The following CDK14 variants were observed in gnomAD, a reference collection of about 807,000 sequenced individuals.
CDK14 encodes the protein cyclin-dependent kinase 14.
In CDK14, 34 loss-of-function variants were observed where a neutral mutation model predicts 60.7. That is an observed-to-expected ratio of 0.56 (90% CI 0.43 to 0.75). The LOEUF is 0.75. CDK14 is among the 30% of genes least tolerant of loss of function. CDK14 has a pLI of 0.00. For missense variants in CDK14, 482 were observed against 564.1 expected (o/e 0.85, Z 1.47); for synonymous variants, 197 against 203.7 (o/e 0.97, Z 0.28).
intron 2 of CDK14, among the ~76,000 whole-genome samples, chr7:90,635,659 A>G (rs978156719): frequency 1.3e-5 from 2 of 152,048 alleles, no homozygotes; most frequent in Non-Finnish European, 2.9e-5. Flanking sequence ...AGTTTTTTCC[A>G]ATTCTGTGAA....
At chr7:90,956,250 C>T (rs867404292) in intron 9 of CDK14, among the ~76,000 whole-genome samples, 18 of 152,262 alleles carry the variant, frequency 1.2e-4, no homozygotes, top group South Asian at 1.0e-3. Context: ...ACAGTATGTA[C>T]TTGAAAACTT....
intron 14 of CDK14, among the ~76,000 whole-genome samples, chr7:91,192,043 T>G (rs1802378702): frequency 6.6e-6 from 1 of 151,980 alleles, no homozygotes; most frequent in Admixed American, 6.6e-5. Context: ...TCCTGAAGAT[T>G]TATAGTGCTA....
intron 10 of CDK14, among the ~76,000 whole-genome samples, chr7:90,986,268 A>G (rs1286986528): frequency 6.6e-6 from 1 of 152,092 alleles, no homozygotes; most frequent in Non-Finnish European, 1.5e-5. Context: ...TCATTATAAT[A>G]AAATGCTGCC....
intron 11 of CDK14, among the ~76,000 whole-genome samples, chr7:91,051,095 T>TCACA (rs1797378987): frequency 6.6e-6 from 1 of 152,204 alleles, no homozygotes; most frequent in African/African-American, 2.4e-5. Flanking sequence ...ATATGTACAG[T>TCACA]AATACACACA....
Position 90,979,159 on chromosome 7 carries a change from T to C in CDK14, c.948-4989T>C, listed in dbSNP as rs868224698. Among the ~76,000 whole-genome samples, 90 of 152,334 alleles carry C rather than the reference T, an allele frequency of 5.9e-4. No homozygotes were observed. The Middle Eastern group carries it at 0.01, about 17-fold the overall frequency. ...TTTCATTAAAGCTTATTCATAGATA[T>C]TGAAATTAGAATTTCAGGTAATGTT... On this transcript the variant is annotated intron_variant, in intron 9 of 14. Coordinates refer to ENST00000380050, the MANE Select transcript of CDK14 (RefSeq NM_001287135.2).
At chr7:90,754,245 G>A (rs1803965763) in intron 4 of CDK14, among the ~76,000 whole-genome samples, 2 of 152,188 alleles carry the variant, frequency 1.3e-5, no homozygotes, top group Admixed American at 6.5e-5. Flanking sequence ...TAAGGCTACA[G>A]TAACTGAAAC....
chr7:90,831,992 C>G (rs1789928284), intron 5 of CDK14, among the ~76,000 whole-genome samples: 1 of 151,952 alleles, frequency 6.6e-6, no homozygotes, highest in African/African-American at 2.4e-5. Context: ...TAGCATGTCC[C>G]TCTCCCTTAT....
chr7:91,160,626 C>T (rs929234883), intron 14 of CDK14, among the ~76,000 whole-genome samples: 4 of 151,972 alleles, frequency 2.6e-5, no homozygotes, highest in Non-Finnish European at 5.9e-5. Flanking sequence ...TTTTACTTGT[C>T]CACTTTTACA....
At chr7:91,112,426 A>T in intron 12 of CDK14, 116 bp from the exon 13 acceptor site, 1 of 1,081,020 alleles carries the variant, frequency 9.3e-7, no homozygotes, top group Non-Finnish European at 1.3e-6. Context: ...TTCAGCAGGT[A>T]ATTTGTTTTT....
intron 2 of CDK14, among the ~76,000 whole-genome samples, chr7:90,687,047 A>AT (rs577500650): frequency 2.2e-4 from 33 of 150,712 alleles, no homozygotes; most frequent in African/African-American, 7.3e-4. Flanking sequence ...TTGTGATTGA[A>AT]TTTTTTTTTT....
At chr7:91,101,353 T>A (rs372532259) in intron 12 of CDK14, among the ~76,000 whole-genome samples, 1 of 152,136 alleles carries the variant, frequency 6.6e-6, no homozygotes, top group Non-Finnish European at 1.5e-5. Flanking sequence ...TGGGAAGGCA[T>A]TTTGTGAACT....
At chr7:91,002,289 C>T (rs922967294) in intron 10 of CDK14, among the ~76,000 whole-genome samples, 1 of 152,130 alleles carries the variant, frequency 6.6e-6, no homozygotes, top group Non-Finnish European at 1.5e-5. Context: ...TTTACAGTAT[C>T]TCCAAAATTG....
At chr7:91,033,137 C>G (rs1479600878) in intron 10 of CDK14, among the ~76,000 whole-genome samples, 1 of 152,094 alleles carries the variant, frequency 6.6e-6, no homozygotes, top group Non-Finnish European at 1.5e-5. Context: ...ATGAATTGAG[C>G]ATTTTTATTA....
intron 4 of CDK14, 29 bp downstream of exon 4, chr7:90,747,804 C>T (rs200293695): frequency 8.2e-7 from 1 of 1,225,120 alleles, no homozygotes; most frequent in Admixed American, 2.4e-5. Flanking sequence ...GAATATTTCA[C>T]ATGTACAGTG....
chr7:90,805,039 C>T (rs1788768800), intron 5 of CDK14, among the ~76,000 whole-genome samples: 1 of 152,018 alleles, frequency 6.6e-6, no homozygotes, highest in East Asian at 1.9e-4. Context: ...ATAAAATGTC[C>T]TGTGTTACAA....
chr7:90,985,030 A>G (rs1030672644), intron 10 of CDK14, among the ~76,000 whole-genome samples: 17 of 152,214 alleles, frequency 1.1e-4, no homozygotes, highest in African/African-American at 3.1e-4. Flanking sequence ...GTTAATATCA[A>G]TATACCAATG....
chr7:91,123,954 G>A (rs775287149), intron 14 of CDK14, among the ~76,000 whole-genome samples: 3 of 151,952 alleles, frequency 2.0e-5, no homozygotes, highest in Non-Finnish European at 4.4e-5. Context: ...ACAGGGTCTC[G>A]CTCTGTTGCT....
intron 9 of CDK14, chr7:90,979,303 A>G (rs1795163917): frequency 6.6e-6 from 1 of 152,170 alleles, no homozygotes; most frequent in African/African-American, 2.4e-5. Context: ...TATTGTCCAC[A>G]TAGAGCCATA....
At chr7:91,012,359 C>T (rs1187376218) in intron 10 of CDK14, among the ~76,000 whole-genome samples, 2 of 152,178 alleles carry the variant, frequency 1.3e-5, no homozygotes, top group East Asian at 1.9e-4. Flanking sequence ...CAACTTTATG[C>T]ACTGACATTA....
Sources: allele counts gnomAD v4.1 joint callset (sites outside exome capture counted in the v4.1 genomes callset), GRCh38; gene constraint gnomAD v4.1.1; transcripts MANE v1.5; gene names NCBI Gene and HGNC (gene_info 2026-07-23, HGNC 2026-07-21).